Variants in SRGAP2C observed in about 807,000 individuals in gnomAD.
The protein encoded by SRGAP2C is SLIT-ROBO Rho GTPase-activating protein 2C.
In SRGAP2C, 15 loss-of-function variants were observed where a neutral mutation model predicts 25.1. The ratio of observed to expected loss-of-function variants is 0.60; its 90% CI spans 0.40 to 0.92. SRGAP2C has a LOEUF of 0.92. Ranked by LOEUF, SRGAP2C falls within the 40% of genes least tolerant of loss-of-function variation. SRGAP2C has a pLI of 0.00. For missense variants in SRGAP2C, 144 were observed against 264.4 expected (o/e 0.54, Z 3.16); for synonymous variants, 44 against 96.6 (o/e 0.46, Z 3.19).
intron 6 of SRGAP2C, 76 bp from the exon 7 acceptor site, chr1:121,374,750 A>G (rs1558134254): frequency 1.4e-6 from 1 of 717,252 alleles, no homozygotes; most frequent in Non-Finnish European, 2.6e-6. Context: ...TCTTGAATAC[A>G]CTGTACTTTT....
intron 2 of SRGAP2C, among the ~76,000 whole-genome samples, chr1:121,270,951 C>T: frequency 6.6e-6 from 1 of 151,150 alleles, no homozygotes; most frequent in Non-Finnish European, 1.5e-5. Flanking sequence ...CGCCACCACG[C>T]CCAGCTACTT....
intron 5 of SRGAP2C, among the ~76,000 whole-genome samples, chr1:121,366,990 A>G (rs1337998105): frequency 7.6e-6 from 1 of 131,572 alleles, no homozygotes; most frequent in Non-Finnish European, 1.6e-5. Flanking sequence ...TGAGGAAGAA[A>G]ACCTTGGAAC....
chr1:121,345,480 AGAG>A (rs1489622547), intron 4 of SRGAP2C, among the ~76,000 whole-genome samples: 2 of 147,822 alleles, frequency 1.4e-5, no homozygotes, highest in African/African-American at 5.0e-5. Flanking sequence ...TAAGGCAGTG[AGAG>A]GAGGAGTAGA....
intron 2 of SRGAP2C, among the ~76,000 whole-genome samples, chr1:121,217,833 T>G (rs587701188): frequency 0.059 from 8,941 of 152,048 alleles, 896 homozygotes; most frequent in African/African-American, 0.2. Context: ...TATAAAGGGG[T>G]CTTGGGAAGG....
At chr1:121,273,740 A>G (rs1200905478) in intron 2 of SRGAP2C, among the ~76,000 whole-genome samples, 2 of 151,876 alleles carry the variant, frequency 1.3e-5, no homozygotes, top group Non-Finnish European at 2.9e-5. Context: ...TTCAATTTCT[A>G]TCTCCTGTAG....
intron 7 of SRGAP2C, among the ~76,000 whole-genome samples, chr1:121,375,889 AAGGTATCC>A (rs1659632567): frequency 6.6e-6 from 1 of 151,496 alleles, no homozygotes; most frequent in African/African-American, 2.4e-5. Flanking sequence ...TCCTGTCAGG[AAGGTATCC>A]AGCTCCCCCT....
At chr1:121,239,844 C>T (rs2101491542) in intron 2 of SRGAP2C, among the ~76,000 whole-genome samples, 1 of 152,382 alleles carries the variant, frequency 6.6e-6, no homozygotes, top group African/African-American at 2.4e-5. Flanking sequence ...ACTATCTGGC[C>T]TTTATAGAAA....
At chr1:121,212,462 G>T (rs1327967950) in intron 2 of SRGAP2C, among the ~76,000 whole-genome samples, 20 of 151,954 alleles carry the variant, frequency 1.3e-4, no homozygotes, top group African/African-American at 4.6e-4. Context: ...GGACTTAAAA[G>T]GAGCATTTGC....
intron 7 of SRGAP2C, among the ~76,000 whole-genome samples, chr1:121,378,789 AAAG>A (rs112545340): frequency 2.0e-5 from 3 of 152,244 alleles, no homozygotes; most frequent in African/African-American, 4.8e-5. Context: ...GGATAAGTGA[AAAG>A]AAGTTATTTT....
intron 2 of SRGAP2C, among the ~76,000 whole-genome samples, chr1:121,270,391 A>G (rs1364523151): frequency 6.9e-6 from 1 of 144,750 alleles, no homozygotes; most frequent in African/African-American, 2.5e-5. Flanking sequence ...TTTATCCTTG[A>G]AGGGCAAAAA....
intron 3 of SRGAP2C, chr1:121,315,197 T>C (rs1458506387): frequency 2.5e-6 from 1 of 406,252 alleles, no homozygotes; most frequent in Non-Finnish European, 4.6e-6. Flanking sequence ...GGCTGGTCAT[T>C]TACAGGCACA....
intron 3 of SRGAP2C, among the ~76,000 whole-genome samples, chr1:121,309,373 T>A (rs1657926724): frequency 6.9e-6 from 1 of 144,448 alleles, no homozygotes; most frequent in African/African-American, 2.6e-5. Flanking sequence ...ACTGGTAAAC[T>A]GCTGATAATT....
rs1156599784 is a variant in SRGAP2C at position 121,336,634 on chromosome 1, TA to T, written c.423+12000del. Among the ~76,000 whole-genome samples the T allele has an allele frequency of 3.3e-5, 3 of 91,716 alleles. 1 individual carries two copies. The highest frequency in any genetic ancestry group is 7.1e-5 in the Non-Finnish European group (3 of 42,372). The allele number at this position is 91,716 out of a possible 152,430, so 60.2% of individuals were successfully genotyped here. On this transcript the variant is annotated intron_variant, in intron 4 of 9. Transcript: ENST00000367123. ...AAATACAGAAAGCAAAAATATGATA[TA>T]AAAAACAGATTTATTGTACATACTA...
chr1:121,374,316 GAA>G (rs1659577049), intron 6 of SRGAP2C, 130 bp downstream of exon 6: 1 of 578,682 alleles, frequency 1.7e-6, no homozygotes, highest in South Asian at 1.9e-5. Context: ...CCTAATGACT[GAA>G]AATGAGGCCT....
At chr1:121,211,544 A>G (rs1290301587) in intron 2 of SRGAP2C, among the ~76,000 whole-genome samples, 5 of 150,336 alleles carry the variant, frequency 3.3e-5, no homozygotes, top group Admixed American at 6.6e-5. Context: ...TTTATGCCTC[A>G]TAAGTAAAGA....
intron 3 of SRGAP2C, among the ~76,000 whole-genome samples, chr1:121,289,254 G>T (rs1353909347): frequency 7.3e-5 from 11 of 149,702 alleles, no homozygotes; most frequent in South Asian, 4.2e-4. Context: ...TGCCCCGCGG[G>T]AAGGCAGCTA....
intron 2 of SRGAP2C, among the ~76,000 whole-genome samples, chr1:121,233,141 G>T (rs1300286554): frequency 2.2e-5 from 3 of 139,292 alleles, no homozygotes; most frequent in South Asian, 4.8e-4. Context: ...TCTCCCCCTT[G>T]GTTCTTTTTT....
intron 5 of SRGAP2C, among the ~76,000 whole-genome samples, chr1:121,368,046 A>G (rs1198371814): frequency 9.3e-6 from 1 of 107,586 alleles, no homozygotes; most frequent in East Asian, 3.3e-4. Context: ...ACTGCACTCC[A>G]GCCTGGGCAA....
chr1:121,385,683 G>T (rs1286028750), intron 8 of SRGAP2C, among the ~76,000 whole-genome samples: 1 of 152,142 alleles, frequency 6.6e-6, no homozygotes, highest in South Asian at 2.1e-4. Context: ...GCTAAAGGAC[G>T]AACGGTAACA....
Sources: allele counts gnomAD v4.1 joint callset (sites outside exome capture counted in the v4.1 genomes callset), GRCh38; gene constraint gnomAD v4.1.1; transcripts MANE v1.5; gene names NCBI Gene and HGNC (gene_info 2026-07-23, HGNC 2026-07-21).